The following NPRL3 variants were observed in gnomAD, a reference collection of about 807,000 sequenced individuals.
The protein encoded by NPRL3 is NPR3 like, GATOR1 complex subunit, also known as GATOR1 complex protein NPRL3.
NPRL3 carries 23 observed loss-of-function variants against 57.2 expected under a neutral mutation model. That is an observed-to-expected ratio of 0.40 (90% confidence interval 0.29 to 0.57). The LOEUF (loss-of-function observed/expected upper bound fraction) is 0.57. Ranked by LOEUF, NPRL3 falls within the 20% of genes least tolerant of loss-of-function variation. The pLI is 0.42. For synonymous variants in NPRL3, 333 were observed against 321.1 expected (o/e 1.04, Z -0.39); for missense variants, 691 against 767.1 (o/e 0.90, Z 1.17).
chr16:130,081 G>A (rs1452251759), intron 3 of NPRL3, among the ~76,000 whole-genome samples: 1 of 152,070 alleles, frequency 6.6e-6, no homozygotes, highest in East Asian at 1.9e-4. Context: ...CCAGCTCTAA[G>A]CCCCACTGCC....
chr16:114,936 T>C (rs216093), intron 5 of NPRL3, among the ~76,000 whole-genome samples: 1 of 151,228 alleles, frequency 6.6e-6, no homozygotes, highest in Non-Finnish European at 1.5e-5. Context: ...GCTCTCTCTA[T>C]TTCAGGGTTT....
intron 2 of NPRL3, among the ~76,000 whole-genome samples, chr16:133,388 G>A (rs1900904010): frequency 6.6e-6 from 1 of 151,792 alleles, no homozygotes; most frequent in South Asian, 2.1e-4. Context: ...AACACGCCCA[G>A]CTAATTTTTG....
intron 5 of NPRL3, among the ~76,000 whole-genome samples, chr16:115,301 A>C (rs1899982253): frequency 6.6e-6 from 1 of 152,100 alleles, no homozygotes; most frequent in African/African-American, 2.4e-5. Context: ...AAAAGAAAGA[A>C]TATATATTTA....
intron 7 of NPRL3, among the ~76,000 whole-genome samples, chr16:110,076 C>G (rs1479279349): frequency 6.6e-6 from 1 of 152,110 alleles, no homozygotes; most frequent in African/African-American, 2.4e-5. Context: ...GGGAGACCAC[C>G]CTGACCAACA....
intron 5 of NPRL3, 143 bp from the exon 6 acceptor site, chr16:112,918 T>C: frequency 1.3e-6 from 1 of 761,460 alleles, no homozygotes; most frequent in Non-Finnish European, 1.9e-6. Context: ...CAGGCTCCTT[T>C]GCAGAGGCCA....
chr16:121,932 G>A (rs1394935608), intron 3 of NPRL3, among the ~76,000 whole-genome samples: 4 of 151,570 alleles, frequency 2.6e-5, no homozygotes, highest in Admixed American at 2.6e-4. Flanking sequence ...CCGCCACCAC[G>A]CCCAGCTAAT....
rs148576448 is a variant in NPRL3 at position 85,461 on chromosome 16, G to A, written c.*1244C>T. ...CCCCTGGAAGGTCTGGAGACCATGC[G>A]TCAGCTTCGCAGCACCCTCCGGAAA... On this transcript the variant is annotated 3_prime_UTR_variant, in exon 14 of 14. Transcript: ENST00000611875. 2.7e-4 allele frequency: 428 copies of A among 1,612,916 alleles called. No homozygotes were observed. The highest frequency in any genetic ancestry group is 3.5e-4 in the Non-Finnish European group (415 of 1,180,018).
chr16:109,839 C>CCA (rs1486728460), intron 7 of NPRL3, among the ~76,000 whole-genome samples: 1 of 152,176 alleles, frequency 6.6e-6, no homozygotes, highest in Non-Finnish European at 1.5e-5. Flanking sequence ...CATGTTTGAA[C>CCA]CACCTGTCTT....
chr16:117,699 G>A (rs1445565389), intron 4 of NPRL3, among the ~76,000 whole-genome samples: 2 of 152,192 alleles, frequency 1.3e-5, no homozygotes, highest in African/African-American at 4.8e-5. Flanking sequence ...GTGCCCGCCT[G>A]CATCCACCAG....
intron 13 of NPRL3, among the ~76,000 whole-genome samples, chr16:88,491 C>T (rs1898600484): frequency 6.6e-6 from 1 of 152,174 alleles, no homozygotes; most frequent in Non-Finnish European, 1.5e-5. Flanking sequence ...GCATGCCAGG[C>T]CCATGGCCCG....
chr16:102,561 G>A (rs1899345384), intron 7 of NPRL3, among the ~76,000 whole-genome samples: 1 of 152,180 alleles, frequency 6.6e-6, no homozygotes, highest in Admixed American at 6.5e-5. Flanking sequence ...TGTTTCCTCT[G>A]TTCACTGCCC....
Position 127,590 on chromosome 16 carries a change from G to A in NPRL3, c.188+2932C>T, listed in dbSNP as rs373533045. ...TTCCAAATCTGAACCATTTAATATG[G>A]TAGACACTATTTCCATATAGACATT... On this transcript the variant is annotated intron_variant, in intron 3 of 13. Transcript: ENST00000611875. Among the ~76,000 whole-genome samples, 51 of 152,002 alleles carry A rather than the reference G, an allele frequency of 3.4e-4. 2 individuals are homozygous for A. The South Asian group carries it at 1.0e-2, about 30-fold the overall frequency.
chr16:122,655 G>C (rs988578068), intron 3 of NPRL3, among the ~76,000 whole-genome samples: 1 of 152,176 alleles, frequency 6.6e-6, no homozygotes, highest in African/African-American at 2.4e-5. Flanking sequence ...GGAAATTCAA[G>C]AAAAACACAT....
chr16:109,932 T>C (rs746485332), intron 7 of NPRL3, among the ~76,000 whole-genome samples: 2 of 152,236 alleles, frequency 1.3e-5, no homozygotes, highest in Non-Finnish European at 2.9e-5. Context: ...GTGATTTGTC[T>C]TTTGTGATGT....
chr16:87,624 T>TTCCCGCCATTCTCCTCC (rs1378767480), intron 13 of NPRL3, among the ~76,000 whole-genome samples: 2 of 148,978 alleles, frequency 1.3e-5, no homozygotes, highest in African/African-American at 5.1e-5. Context: ...AACTCCCGCC[T>TTCCCGCCATTCTCCTCC]TCCCGCCATT....
intron 11 of NPRL3, chr16:90,293 T>C (rs940981564): frequency 8.9e-6 from 2 of 224,138 alleles, no homozygotes; most frequent in African/African-American, 4.7e-5. Flanking sequence ...GCCCTGGAGT[T>C]GGACCCAGCC....
At chr16:94,913 T>C (rs9938041) in intron 9 of NPRL3, among the ~76,000 whole-genome samples, 2,786 of 152,144 alleles carry the variant, frequency 0.018, 80 homozygotes, top group African/African-American at 0.064. Context: ...ATTCTGGAAA[T>C]TGAAAATCCA....
chr16:127,892 T>C (rs887485822), intron 3 of NPRL3, among the ~76,000 whole-genome samples: 2 of 152,046 alleles, frequency 1.3e-5, no homozygotes, highest in African/African-American at 4.8e-5. Flanking sequence ...CCTGACCTCA[T>C]GATCCGCCCG....
intron 2 of NPRL3, among the ~76,000 whole-genome samples, chr16:132,730 C>T (rs1167179946): frequency 6.9e-6 from 1 of 144,500 alleles, no homozygotes; most frequent in East Asian, 2.1e-4. Flanking sequence ...AGTGCAGTGG[C>T]GGGATCTCGG....
Sources: allele counts gnomAD v4.1 joint callset (sites outside exome capture counted in the v4.1 genomes callset), GRCh38; gene constraint gnomAD v4.1.1; transcripts MANE v1.5; gene names NCBI Gene and HGNC (gene_info 2026-07-23, HGNC 2026-07-21).